MRPS9: variants seen among roughly 807,000 people sequenced by gnomAD.
The protein encoded by MRPS9 is small ribosomal subunit protein uS9m.
MRPS9 carries 45 observed loss-of-function variants against 59.9 expected under a neutral mutation model. The observed-to-expected ratio is 0.75, with a 90% CI of 0.59 to 0.96. MRPS9 has a LOEUF of 0.96. MRPS9 is among the 40% of genes least tolerant of loss of function. The probability of loss-of-function intolerance (pLI) is 0.00; values close to 1 mark genes in which losing one functional copy is unlikely to be tolerated. For missense variants in MRPS9, 473 were observed against 481.1 expected, an observed-to-expected ratio of 0.98 and a Z score of 0.16; for synonymous variants, 171 against 166.8, an observed-to-expected ratio of 1.03 and a Z score of -0.19.
At chr2:105,051,359 G>A (rs1335270778) in intron 2 of MRPS9, among the ~76,000 whole-genome samples, 3 of 152,050 alleles carry the variant, frequency 2.0e-5, no homozygotes, top group Admixed American at 2.0e-4. Context: ...AACTATGAGG[G>A]CTTATTTCTG....
chr2:105,052,249 G>T (rs946732755), intron 2 of MRPS9, among the ~76,000 whole-genome samples: 1 of 152,158 alleles, frequency 6.6e-6, no homozygotes, highest in African/African-American at 2.4e-5. Context: ...GATGTTAGCT[G>T]TGCGTTTTTC....
chr2:105,065,009 A>G (rs1320442430), intron 2 of MRPS9, among the ~76,000 whole-genome samples: 1 of 152,164 alleles, frequency 6.6e-6, no homozygotes. Context: ...GTGTACTATT[A>G]CAGCAGCCCC....
intron 2 of MRPS9, among the ~76,000 whole-genome samples, chr2:105,057,470 TTAGTG>T (rs927265851): frequency 6.6e-6 from 1 of 152,146 alleles, no homozygotes; most frequent in African/African-American, 2.4e-5. Flanking sequence ...GTCTTGTTGT[TTAGTG>T]TAAAGAAAAT....
At chr2:105,094,428 G>T (rs1282607524) in intron 9 of MRPS9, among the ~76,000 whole-genome samples, 2 of 151,994 alleles carry the variant, frequency 1.3e-5, no homozygotes, top group Non-Finnish European at 2.9e-5. Context: ...CATTATCCAC[G>T]AGTAACAGAA....
intron 2 of MRPS9, among the ~76,000 whole-genome samples, chr2:105,051,302 A>AT (rs1679707213): frequency 6.6e-6 from 1 of 152,064 alleles, no homozygotes; most frequent in Admixed American, 6.5e-5. Context: ...TGGAAAGACT[A>AT]TTTTTTCCCA....
At chr2:105,085,570 T>C (rs897930937) in intron 5 of MRPS9, among the ~76,000 whole-genome samples, 4 of 152,174 alleles carry the variant, frequency 2.6e-5, no homozygotes, top group African/African-American at 9.7e-5. Flanking sequence ...GTGCTCATAC[T>C]CTCAGAAGGG....
At chr2:105,052,480 C>A (rs1037336317) in intron 2 of MRPS9, among the ~76,000 whole-genome samples, 1 of 152,108 alleles carries the variant, frequency 6.6e-6, no homozygotes, top group Non-Finnish European at 1.5e-5. Flanking sequence ...TGAAATAAAT[C>A]CCACTTCTTT....
At chr2:105,074,244 A>G (rs1157512334) in intron 4 of MRPS9, among the ~76,000 whole-genome samples, 2 of 152,242 alleles carry the variant, frequency 1.3e-5, no homozygotes, top group African/African-American at 4.8e-5. Context: ...AGGAAGCCAG[A>G]AAAAGAAAAA....
chr2:105,058,742 C>T (rs1030541181), intron 2 of MRPS9, among the ~76,000 whole-genome samples: 2 of 150,856 alleles, frequency 1.3e-5, no homozygotes, highest in Non-Finnish European at 3.0e-5. Flanking sequence ...TGCAGTGGCA[C>T]GATCTTGGCT....
At chr2:105,088,438 A>C (rs553034251) in intron 5 of MRPS9, among the ~76,000 whole-genome samples, 1 of 152,270 alleles carries the variant, frequency 6.6e-6, no homozygotes, top group Non-Finnish European at 1.5e-5. Flanking sequence ...TTAGGAAGTA[A>C]ATTAATAGGA....
At chr2:105,069,533 T>G (rs1680072468) in intron 2 of MRPS9, among the ~76,000 whole-genome samples, 1 of 152,158 alleles carries the variant, frequency 6.6e-6, no homozygotes, top group Non-Finnish European at 1.5e-5. Flanking sequence ...TTTTAAAAAG[T>G]TACTTATAAA....
chr2:105,038,241 A>G lies in MRPS9; in HGVS notation c.135+14A>G. 6.2e-7 allele frequency: 1 copy of G among 1,606,998 alleles called. No individual in the cohort carries two copies. The highest frequency in any genetic ancestry group is 1.1e-5 in the South Asian group (1 of 89,772). On this transcript the variant is annotated intron_variant, in intron 1 of 10. Coordinates refer to ENST00000258455, the MANE Select transcript of MRPS9 (RefSeq NM_182640.3). ...GTCAGATCCCAGGTAAGGCCTGGGA[A>G]GACTGGAAGCGGCTTACCTCTGCCG... is the stretch of plus-strand genomic sequence containing the variant.
chr2:105,049,186 C>T lies in MRPS9; in HGVS notation c.151C>T (p.His51Tyr). The part of the protein sequence containing the change: ...NVRSQILRLR[H>Y]TAFVIPKKNV... ...TTTCTGTTAGATATTAAGGCTAAGA[C>T]ATACTGCATTTGTAATACCAAAGAA... Residue 51 changes from histidine to tyrosine, a missense_variant, in exon 2 of 11, where the codon CAT (histidine) becomes TAT (tyrosine). Transcript: ENST00000258455. 1 of 1,602,094 alleles carries T rather than the reference C, an allele frequency of 6.2e-7. No homozygotes were observed. Among genetic ancestry groups the T allele is most frequent in the East Asian group, 2.2e-5 (1 of 44,718 alleles).
At chr2:105,046,446 G>T (rs1042575091) in intron 1 of MRPS9, among the ~76,000 whole-genome samples, 11 of 151,776 alleles carry the variant, frequency 7.2e-5, no homozygotes, top group African/African-American at 2.7e-4. Context: ...TCTCTTTTAA[G>T]TGTCAACATC....
intron 2 of MRPS9, 136 bp from the exon 3 acceptor site, chr2:105,071,177 C>T: frequency 4.8e-6 from 3 of 628,162 alleles, no homozygotes; most frequent in Non-Finnish European, 5.3e-6. Context: ...TTTATCATCC[C>T]ATTGAAACAT....
chr2:105,097,192 C>T lies in MRPS9; in HGVS notation c.967C>T (p.Leu323=). The T allele has an allele frequency of 6.3e-7, 1 of 1,598,808 alleles. No individual in the cohort carries two copies. The highest frequency in any genetic ancestry group is 8.5e-7 in the Non-Finnish European group (1 of 1,173,050). The stretch of plus-strand genomic sequence containing the variant: ...GTTCCCTTTCCACTTTGTTGACCGG[C>T]TGGGAAAGCACGACGTGACCTGCAC... ...LMFPFHFVDR[L]GKHDVTCTVS... is the part of the protein sequence containing the mutation. Residue 323 remains leucine (L), a synonymous_variant, in exon 10 of 11, where the codon CTG becomes TTG. Coordinates refer to ENST00000258455, the MANE Select transcript of MRPS9 (RefSeq NM_182640.3).
rs140855013 is a variant in MRPS9, at chr2:105,071,715, G to A, written c.409+226G>A. Among the ~76,000 whole-genome samples, 843 of 152,266 alleles carry A rather than the reference G, an allele frequency of 5.5e-3. 11 individuals are homozygous for A. The highest frequency in any genetic ancestry group is 0.019 in the African/African-American group (792 of 41,560). On this transcript the variant is annotated intron_variant, in intron 4 of 10. Coordinates refer to ENST00000258455, the MANE Select transcript of MRPS9 (RefSeq NM_182640.3). ...GTTTAGAGCTTAGGACTATACCAAT[G>A]TCATACTAATTATTTGCATTCCAAT...
At chr2:105,082,100 T>C (rs891597401) in intron 5 of MRPS9, among the ~76,000 whole-genome samples, 1 of 152,204 alleles carries the variant, frequency 6.6e-6, no homozygotes, top group Non-Finnish European at 1.5e-5. Context: ...GCCTTGGTGG[T>C]GGGGGGAACC....
At chr2:105,049,149 T>C in intron 1 of MRPS9, 22 bp from the exon 2 acceptor site, 1 of 1,459,764 alleles carries the variant, frequency 6.9e-7, no homozygotes, top group Non-Finnish European at 9.4e-7. Context: ...TTTCTTTTCT[T>C]TCCATCTATA....
Sources: allele counts gnomAD v4.1 joint callset (sites outside exome capture counted in the v4.1 genomes callset), GRCh38; gene constraint gnomAD v4.1.1; transcripts MANE v1.5; gene names NCBI Gene and HGNC (gene_info 2026-07-23, HGNC 2026-07-21).